CEBPZOS: variants seen among roughly 807,000 people sequenced by gnomAD.
CEBPZOS encodes the protein protein CEBPZOS.
CEBPZOS carries 10 observed loss-of-function variants against 4.8 expected under a neutral mutation model. The ratio of observed to expected loss-of-function variants is 2.07; its 90% CI spans 1.28 to 3.52. The LOEUF (loss-of-function observed/expected upper bound fraction) is 3.52. CEBPZOS is among the 30% of genes most tolerant of loss of function. The pLI, the probability that CEBPZOS is intolerant of heterozygous loss-of-function variation, is 0.00. For missense variants in CEBPZOS, 98 were observed against 43.6 expected, an observed-to-expected ratio of 2.25 and a Z score of -3.51; for synonymous variants, 25 against 14.2, an observed-to-expected ratio of 1.77 and a Z score of -1.72.
chr2:37,200,927 C>T (rs572444560), intron 2 of CEBPZOS, 121 bp from the exon 3 acceptor site: 175 of 600,968 alleles, frequency 2.9e-4, no homozygotes, highest in Admixed American at 1.3e-3. Flanking sequence ...GACCTTCAAA[C>T]AAATTTCTAA....
chr2:37,202,639 T>G lies in CEBPZOS; in HGVS notation c.*779T>G, dbSNP rs1446625732. ...CAACCTGGGCAAGGGAGTGAGACGC[T>G]GTCTCAAAAAAAAAAAAAAAAAAAA... On this transcript the variant is annotated 3_prime_UTR_variant, in exon 5 of 5. Transcript: ENST00000402297. 1 of 364,326 alleles carries G rather than the reference T, an allele frequency of 2.7e-6. No individual in the cohort carries two copies. The allele number at this position is 364,326 out of a possible 1,614,324, so 22.6% of individuals were successfully genotyped here.
At chr2:37,201,127 C>T in intron 3 of CEBPZOS, 35 bp downstream of exon 3, 1 of 705,854 alleles carries the variant, frequency 1.4e-6, no homozygotes, top group Non-Finnish European at 2.6e-6. Context: ...AAGTATAAAA[C>T]AACTTCTTCA....
At chr2:37,201,475 C>G in intron 3 of CEBPZOS, 167 bp from the exon 4 acceptor site, 1 of 572,236 alleles carries the variant, frequency 1.7e-6, no homozygotes. Context: ...GTGCTCATTA[C>G]AATGATCAGA....
chr2:37,209,068 T>C (rs1420142877), downstream of CEBPZOS: 1 of 146,500 alleles, frequency 6.8e-6, no homozygotes. Context: ...AAAATAATAA[T>C]ACTTAGGAAT....
At chr2:37,212,855 AAAC>A (rs1331263193) in intron 4 of CEBPZOS, among the ~76,000 whole-genome samples, 1 of 147,612 alleles carries the variant, frequency 6.8e-6, no homozygotes, top group Non-Finnish European at 1.5e-5. Context: ...AAAAAAACAA[AAAC>A]AACAACAACA....
intron 3 of CEBPZOS, chr2:37,201,408 TTCTC>T (rs1318762915): frequency 5.9e-6 from 3 of 507,504 alleles, no homozygotes; most frequent in Non-Finnish European, 1.0e-5. Flanking sequence ...AGCTGTCTCT[TTCTC>T]TGTCAAGTAG....
chr2:37,213,903 T>C (rs140175848), downstream of CEBPZOS: 27 of 1,603,380 alleles, frequency 1.7e-5, no homozygotes, highest in Non-Finnish European at 2.2e-5. Context: ...ACGTCTTCTA[T>C]ACTTTCTTCA....
chr2:37,199,809 C>T lies in CEBPZOS; in HGVS notation c.105C>T (p.His35=), dbSNP rs1677127949. Residue 35 remains histidine, a synonymous_variant, in exon 2 of 5, where the codon CAC becomes CAT. Coordinates refer to ENST00000402297, the MANE Select transcript of CEBPZOS (RefSeq NM_001322374.2). ...CATATTTTTTGTTTAGCAAGATGCA[C>T]ACAAGCCAAGGTAATCATAATTCAG... ...FGAYFLFSKM[H]TSQDFRQTMS... 1 of 717,570 alleles carries T rather than the reference C, an allele frequency of 1.4e-6. No homozygotes were observed. 44.5% of individuals were successfully genotyped at this position (717,570 alleles called of 1,614,324 possible).
In CEBPZOS at chr2:37,199,698, ATT is replaced by A. The variant is rs1283229849; in HGVS notation, c.-1-4_-1-3del. 2.8e-6 allele frequency: 2 copies of A among 716,084 alleles called. No individual in the cohort carries two copies. Among genetic ancestry groups the A allele is most frequent in the Non-Finnish European group, 5.2e-6 (2 of 384,490 alleles). 44.4% of individuals were successfully genotyped at this position (716,084 alleles called of 1,614,324 possible). A position where few individuals can be genotyped will look rare whatever the true frequency, so the allele number is the denominator to read the frequency against. ...CAGGTTTACACATATCTGTTGTTAAATTTAGGATGGCCCGTACTTTGGAACCA... is the reference window on the plus strand; with the variant it reads ...CAGGTTTACACATATCTGTTGTTAAATAGGATGGCCCGTACTTTGGAACCA... On this transcript the variant is annotated splice_region_variant and splice_polypyrimidine_tract_variant and intron_variant, in intron 1 of 4. Transcript: ENST00000402297.
At chr2:37,209,837 AATAG>A (rs1558469625) in intron 4 of CEBPZOS, 1 of 152,126 alleles carries the variant, frequency 6.6e-6, no homozygotes, top group Admixed American at 6.6e-5. Context: ...CAGCAGAGTA[AATAG>A]ACAACCCATA....
At chr2:37,206,425 T>G (rs1309577808), downstream of CEBPZOS, among the ~76,000 whole-genome samples, 2 of 152,238 alleles carry the variant, frequency 1.3e-5, no homozygotes, top group Non-Finnish European at 2.9e-5. Context: ...TGGTGTGATC[T>G]TGGCTCACTG....
intron 2 of CEBPZOS, 41 bp downstream of exon 2, chr2:37,199,860 A>G (rs1572480139): frequency 1.4e-6 from 1 of 699,732 alleles, no homozygotes; most frequent in East Asian, 2.7e-5. Flanking sequence ...AAAGGGGTAT[A>G]GTTTTGCTAA....
chr2:37,214,196 T>C (rs1558472185), downstream of CEBPZOS, among the ~76,000 whole-genome samples: 1 of 152,204 alleles, frequency 6.6e-6, no homozygotes, highest in Non-Finnish European at 1.5e-5. Flanking sequence ...ATCAGCCCTA[T>C]TCTTATATTA....
At chr2:37,207,567 A>C (rs1677581123), downstream of CEBPZOS, among the ~76,000 whole-genome samples, 1 of 152,206 alleles carries the variant, frequency 6.6e-6, no homozygotes. Context: ...TTGTGTCAAC[A>C]ATGAAATCAA....
At chr2:37,214,993 T>C, downstream of CEBPZOS, 2 of 1,264,432 alleles carry the variant, frequency 1.6e-6, no homozygotes, top group Non-Finnish European at 1.2e-6. Context: ...CATATAGCAA[T>C]CCCCTTTATG....
downstream of CEBPZOS, among the ~76,000 whole-genome samples, chr2:37,205,048 T>TA (rs1677484714): frequency 2.0e-5 from 3 of 152,340 alleles, no homozygotes; most frequent in South Asian, 6.2e-4. Context: ...AACATGATCT[T>TA]AGATACTCAA....
chr2:37,212,391 G>C, intron 4 of CEBPZOS: 2 of 1,612,482 alleles, frequency 1.2e-6, no homozygotes, highest in Middle Eastern at 3.3e-4. Context: ...CTTCAAATGT[G>C]TCTGCCAGAC....
chr2:37,200,568 C>T (rs1677169863), intron 2 of CEBPZOS, among the ~76,000 whole-genome samples: 1 of 152,048 alleles, frequency 6.6e-6, no homozygotes, highest in African/African-American at 2.4e-5. Context: ...GGTGTGATGG[C>T]TTGCACTTGT....
chr2:37,211,153 T>A (rs1168273123), intron 4 of CEBPZOS: 7 of 1,015,546 alleles, frequency 6.9e-6, no homozygotes, highest in Non-Finnish European at 1.0e-5. Context: ...CTCCAAGATA[T>A]GCTAAAATCT....
Sources: gnomAD v4.1 joint callset for allele counts (sites outside exome capture counted in the v4.1 genomes callset) on GRCh38, gnomAD v4.1.1 for gene constraint, MANE v1.5 for transcripts, NCBI Gene and HGNC (gene_info 2026-07-23, HGNC 2026-07-21) for gene names.